The following CIMAP1D variants were observed in gnomAD, a reference collection of about 807,000 sequenced individuals.
CIMAP1D encodes the protein CIMAP1 family member D, also known as protein CIMAP1D.
the CIMAP1D span, among the ~76,000 whole-genome samples, chr19:471,827 C>G: frequency 3.3e-5 from 5 of 152,228 alleles, no homozygotes; most frequent in African/African-American, 1.2e-4. Context: ...ACCGCAAGCT[C>G]CGCCTCCCGG....
the CIMAP1D span, among the ~76,000 whole-genome samples, chr19:471,852 C>T: frequency 6.6e-6 from 1 of 152,152 alleles, no homozygotes; most frequent in Non-Finnish European, 1.5e-5. Context: ...ACGCCATTCT[C>T]CTGCCTCAGC....
the CIMAP1D span, among the ~76,000 whole-genome samples, chr19:482,328 C>T: frequency 6.6e-6 from 1 of 152,266 alleles, no homozygotes; most frequent in South Asian, 2.1e-4. Flanking sequence ...CTGTGTCGGG[C>T]AGCACAGGTC....
At chr19:472,294 A>T in the CIMAP1D span, 1 of 613,118 alleles carries the variant, frequency 1.6e-6, no homozygotes, top group African/African-American at 1.9e-5. Flanking sequence ...TGCCGCACTA[A>T]CTGGGGGCCT....
the CIMAP1D span, among the ~76,000 whole-genome samples, chr19:468,618 T>C: frequency 7.9e-5 from 12 of 152,198 alleles, no homozygotes; most frequent in Non-Finnish European, 1.2e-4. Context: ...GGCCTTGCAC[T>C]TCCCGATTGA....
chr19:463,611 T>C, the CIMAP1D span: 1 of 613,656 alleles, frequency 1.6e-6, no homozygotes. Flanking sequence ...TGGCGTGACC[T>C]GGAAGAAACT....
the CIMAP1D span, among the ~76,000 whole-genome samples, chr19:475,977 G>A: frequency 1.5e-4 from 18 of 123,424 alleles, no homozygotes; most frequent in Non-Finnish European, 2.1e-4. Context: ...GTTTCACCAC[G>A]CCTGGCTAAT....
At chr19:474,126 AC>A in the CIMAP1D span, among the ~76,000 whole-genome samples, 2 of 152,110 alleles carry the variant, frequency 1.3e-5, no homozygotes, top group Admixed American at 6.6e-5. Context: ...AGACCACAGA[AC>A]CAGCCCGAGG....
At chr19:477,372 G>C in the CIMAP1D span, among the ~76,000 whole-genome samples, 65 of 152,100 alleles carry the variant, frequency 4.3e-4, no homozygotes, top group African/African-American at 1.5e-3. Context: ...TCAGGAGTTC[G>C]AGACCAGCCT....
the CIMAP1D span, among the ~76,000 whole-genome samples, chr19:469,051 C>T: frequency 2.6e-4 from 39 of 152,280 alleles, no homozygotes; most frequent in Admixed American, 1.9e-3. Flanking sequence ...CTTGCACATA[C>T]GCTGTGGTCC....
the CIMAP1D span, among the ~76,000 whole-genome samples, chr19:482,676 C>A: frequency 6.6e-6 from 1 of 152,136 alleles, no homozygotes; most frequent in Non-Finnish European, 1.5e-5. Flanking sequence ...CAGGCGCCAC[C>A]CCACGAGCTG....
chr19:481,398 G>GGGGAAGGTTGATGGGAAGGATGAT, the CIMAP1D span, among the ~76,000 whole-genome samples: 1 of 95,176 alleles, frequency 1.1e-5, no homozygotes, highest in African/African-American at 7.5e-5. Context: ...GAAGGATGAT[G>GGGGAAGGTTGATGGGAAGGATGAT]GGGAAGGATG....
chr19:485,162 G>A, the CIMAP1D span, among the ~76,000 whole-genome samples: 1 of 152,262 alleles, frequency 6.6e-6, no homozygotes, highest in East Asian at 1.9e-4. Context: ...CTGCTTAGTT[G>A]TTTATGGAGG....
At chr19:486,235 G>C in the CIMAP1D span, among the ~76,000 whole-genome samples, 10 of 152,132 alleles carry the variant, frequency 6.6e-5, no homozygotes, top group African/African-American at 2.4e-4. Context: ...GTCCTAGTGG[G>C]CTCTGCTGTA....
At chr19:470,184 C>A in the CIMAP1D span, among the ~76,000 whole-genome samples, 1 of 150,378 alleles carries the variant, frequency 6.6e-6, no homozygotes, top group African/African-American at 2.5e-5. Flanking sequence ...GAACTCAGAT[C>A]GGTCTGGGTC....
the CIMAP1D span, among the ~76,000 whole-genome samples, chr19:490,867 G>A: frequency 0.029 from 4,420 of 152,346 alleles, 227 homozygotes; most frequent in East Asian, 0.21. Flanking sequence ...GGGAGGCCAA[G>A]GCGGGCGGAT....
the CIMAP1D span, among the ~76,000 whole-genome samples, chr19:481,758 G>A: frequency 6.8e-6 from 1 of 147,760 alleles, no homozygotes; most frequent in African/African-American, 2.5e-5. Context: ...GAAACAGACT[G>A]AGAACCTCCT....
the CIMAP1D span, among the ~76,000 whole-genome samples, chr19:481,923 G>A: frequency 6.6e-6 from 1 of 151,960 alleles, no homozygotes; most frequent in African/African-American, 2.4e-5. Flanking sequence ...CTATAGGCAT[G>A]TGTCACCATC....
At chr19:468,091 T>C in the CIMAP1D span, among the ~76,000 whole-genome samples, 3 of 152,036 alleles carry the variant, frequency 2.0e-5, no homozygotes, top group African/African-American at 7.2e-5. Context: ...TTAGGCTGGG[T>C]GTGGTGGTGC....
chr19:464,563 G>A, the CIMAP1D span, among the ~76,000 whole-genome samples: 7 of 152,138 alleles, frequency 4.6e-5, no homozygotes, highest in Non-Finnish European at 8.8e-5. Flanking sequence ...TGGACCCAGG[G>A]CCAAGCACGC....
Sources: allele counts gnomAD v4.1 joint callset (sites outside exome capture counted in the v4.1 genomes callset), GRCh38; gene constraint gnomAD v4.1.1; transcripts MANE v1.5; gene names NCBI Gene and HGNC (gene_info 2026-07-23, HGNC 2026-07-21).